BHLHA15: variants seen among roughly 807,000 people sequenced by gnomAD.
BHLHA15 encodes basic helix-loop-helix family member a15.
Under a neutral mutation model 10.4 loss-of-function variants are expected in BHLHA15, and 7 were observed. The observed-to-expected ratio is 0.67, with a 90% CI of 0.38 to 1.26. The LOEUF (loss-of-function observed/expected upper bound fraction) is 1.26, where lower values mean the gene tolerates loss of function less well. Ranked by LOEUF, BHLHA15 falls within the 50% of genes most tolerant of loss-of-function variation. The pLI is 0.02. For missense variants in BHLHA15, 289 were observed against 287.4 expected (o/e 1.01, Z -0.04); for synonymous variants, 140 against 131.5 (o/e 1.06, Z -0.44).
chr7:98,215,408 G>A lies in BHLHA15; in HGVS notation c.*2529G>A, dbSNP rs1447846954. ...TCAAAGTATTCATGAAATTGATGCT[G>A]TGTCATAAAACAAAAATAAAAGATT... On this transcript the variant is annotated 3_prime_UTR_variant, in exon 2 of 2. Transcript: ENST00000609256. 1.3e-5 allele frequency: 2 copies of A among 152,222 alleles called. No individual in the cohort carries two copies. Among genetic ancestry groups the A allele is most frequent in the Admixed American group, 6.5e-5 (1 of 15,284 alleles). The allele number at this position is 152,222 out of a possible 1,614,324, so 9.4% of individuals were successfully genotyped here.
At chr7:98,211,788 G>A (rs1447437758) in intron 1 of BHLHA15, among the ~76,000 whole-genome samples, 1 of 152,106 alleles carries the variant, frequency 6.6e-6, no homozygotes, top group Non-Finnish European at 1.5e-5. Flanking sequence ...GTCCCTGCAC[G>A]TGTCACGTCC....
At position 98,213,943 on chromosome 7, in the gene BHLHA15, T is replaced by C. The variant is rs1409002337; in HGVS notation, c.*1064T>C. ...CCCCCGCCCAGGTGCTTCATCCTCA[T>C]GGCCAGGCCTGGTGGCTTGGCACGT... On this transcript the variant is annotated 3_prime_UTR_variant, in exon 2 of 2. Coordinates refer to ENST00000609256, the MANE Select transcript of BHLHA15 (RefSeq NM_177455.4). 6.6e-6 allele frequency among the ~76,000 whole-genome samples: 1 copy of C among 152,136 alleles called. No individual in the cohort carries two copies. The highest frequency in any genetic ancestry group is 1.5e-5 in the Non-Finnish European group (1 of 68,018).
Position 98,212,974 on chromosome 7 carries a change from T to A in BHLHA15, c.*95T>A. 8.6e-7 allele frequency: 1 copy of A among 1,169,518 alleles called. No individual in the cohort carries two copies. Among genetic ancestry groups the A allele is most frequent in the Non-Finnish European group, 1.2e-6 (1 of 850,448 alleles). 72.4% of individuals were successfully genotyped at this position (1,169,518 alleles called of 1,614,324 possible). ...CAAGCCACGAGCCCCAGATGGGCGG[T>A]GACACCCCACAAGGACACGGCCTCA... On this transcript the variant is annotated 3_prime_UTR_variant, in exon 2 of 2. Coordinates refer to ENST00000609256, the MANE Select transcript of BHLHA15 (RefSeq NM_177455.4).
rs956997481 is a variant in BHLHA15, at chr7:98,212,383, C to T, written c.74C>T (p.Thr25Met). ...QDTEATPGEGTPDGSLPNPGP... is the reference protein window; with the variant it reads ...QDTEATPGEGMPDGSLPNPGP... Reference sequence around the variant, plus strand: ...ACAGAGGCCACCCCCGGGGAGGGGACGCCCGACGGGTCCCTGCCGAACCCG... The same window carrying T: ...ACAGAGGCCACCCCCGGGGAGGGGATGCCCGACGGGTCCCTGCCGAACCCG... Residue 25 changes from threonine (T) to methionine (M), a missense_variant, in exon 2 of 2, where the codon ACG becomes ATG. Transcript: ENST00000609256. 1.0e-5 allele frequency: 15 copies of T among 1,445,068 alleles called. No individual in the cohort carries two copies. The highest frequency in any genetic ancestry group is 8.6e-5 in the East Asian group (3 of 34,740). The allele number at this position is 1,445,068 out of a possible 1,614,324, so 89.5% of individuals were successfully genotyped here. A position where few individuals can be genotyped will look rare whatever the true frequency, so the allele number is the denominator to read the frequency against.
In BHLHA15 at chr7:98,212,605, G is replaced by A. The variant is rs1022594062; in HGVS notation, c.296G>A (p.Arg99His). The change falls in exon 2 of 2, where the codon CGT (arginine) becomes CAT (histidine). Residue 99 changes from arginine to histidine, a missense_variant. By Grantham distance (29) the Arg-to-His change is conservative (BLOSUM62 0). Coordinates refer to ENST00000609256, the MANE Select transcript of BHLHA15 (RefSeq NM_177455.4). ...HKLNNAFQAL[R>H]EVIPHVRADK... ...CTAAATAACGCCTTCCAGGCCCTGC[G>A]TGAAGTCATCCCCCACGTGCGCGCG... 14 of 1,607,542 alleles carry A rather than the reference G, an allele frequency of 8.7e-6. No individual in the cohort carries two copies. Among genetic ancestry groups the A allele is most frequent in the Non-Finnish European group, 1.2e-5 (14 of 1,178,090 alleles).
chr7:98,212,981 C>G lies in BHLHA15; in HGVS notation c.*102C>G, dbSNP rs967884679. 1.1e-5 allele frequency: 12 copies of G among 1,099,416 alleles called. No individual in the cohort carries two copies. Among genetic ancestry groups the G allele is most frequent in the African/African-American group, 6.4e-5 (4 of 62,232 alleles). The allele number at this position is 1,099,416 out of a possible 1,614,324, so 68.1% of individuals were successfully genotyped here. A position where few individuals can be genotyped will look rare whatever the true frequency, so the allele number is the denominator to read the frequency against. On this transcript the variant is annotated 3_prime_UTR_variant, in exon 2 of 2. Transcript: ENST00000609256. ...CGAGCCCCAGATGGGCGGTGACACC[C>G]CACAAGGACACGGCCTCAGCGGTTC... is the stretch of plus-strand genomic sequence containing the variant.
Position 98,214,687 on chromosome 7 carries a change from A to G in BHLHA15, c.*1808A>G, listed in dbSNP as rs1040968910. Reference sequence around the variant, plus strand: ...GAATGGACCGACGAGCTGAGCCTGAAAGCCCAGAAGAGCCTCGGTCCAGAA... The same window carrying G: ...GAATGGACCGACGAGCTGAGCCTGAGAGCCCAGAAGAGCCTCGGTCCAGAA... On this transcript the variant is annotated 3_prime_UTR_variant, in exon 2 of 2. Coordinates refer to ENST00000609256, the MANE Select transcript of BHLHA15 (RefSeq NM_177455.4). 5.3e-5 allele frequency: 8 copies of G among 152,324 alleles called. No individual in the cohort carries two copies. The highest frequency in any genetic ancestry group is 1.4e-4 in the African/African-American group (6 of 41,554). The allele number at this position is 152,324 out of a possible 1,614,324, so 9.4% of individuals were successfully genotyped here.
rs1283995058 is a variant in BHLHA15, at chr7:98,214,558, C to T, written c.*1679C>T. Reference sequence around the variant, plus strand: ...CCTGCCCAGCGGGGACATGAGATGACAGAGACCTCCCCGGCGGGGGTACTC... The same window carrying T: ...CCTGCCCAGCGGGGACATGAGATGATAGAGACCTCCCCGGCGGGGGTACTC... On this transcript the variant is annotated 3_prime_UTR_variant, in exon 2 of 2. Coordinates refer to ENST00000609256, the MANE Select transcript of BHLHA15 (RefSeq NM_177455.4). 6.6e-6 allele frequency: 1 copy of T among 151,160 alleles called. No individual in the cohort carries two copies. The highest frequency in any genetic ancestry group is 1.5e-5 in the Non-Finnish European group (1 of 68,042). The allele number at this position is 151,160 out of a possible 1,614,324, so 9.4% of individuals were successfully genotyped here. A position where few individuals can be genotyped will look rare whatever the true frequency, so the allele number is the denominator to read the frequency against.
In BHLHA15 at chr7:98,213,617, A is replaced by G. The variant is rs976219007; in HGVS notation, c.*738A>G. Among the ~76,000 whole-genome samples, 4 of 152,084 alleles carry G rather than the reference A, an allele frequency of 2.6e-5. No homozygotes were observed. The highest frequency in any genetic ancestry group is 5.9e-5 in the Non-Finnish European group (4 of 67,998). On this transcript the variant is annotated 3_prime_UTR_variant, in exon 2 of 2. Coordinates refer to ENST00000609256, the MANE Select transcript of BHLHA15 (RefSeq NM_177455.4). Reference sequence around the variant, plus strand: ...GGGTGCTGTGGAACTGGAGCAGGAGACAGGGCTGGGTGTTCCTGGTGCAGC... The same window carrying G: ...GGGTGCTGTGGAACTGGAGCAGGAGGCAGGGCTGGGTGTTCCTGGTGCAGC...
chr7:98,212,110 A>C, intron 1 of BHLHA15, 146 bp from the exon 2 acceptor site: 1 of 456,654 alleles, frequency 2.2e-6, no homozygotes, highest in Non-Finnish European at 3.8e-6. Flanking sequence ...TAAGCGTGTG[A>C]ACAGAAGGAC....
Position 98,212,616 on chromosome 7 carries a change from C to A in BHLHA15, c.307C>A (p.Pro103Thr). The change falls in exon 2 of 2, where the codon CCC becomes ACC. Residue 103 changes from proline to threonine, a missense_variant. Transcript: ENST00000609256. ...NAFQALREVI[P>T]HVRADKKLSK... ...CTTCCAGGCCCTGCGTGAAGTCATC[C>A]CCCACGTGCGCGCGGACAAGAAGCT... is the stretch of plus-strand genomic sequence containing the variant. 1 of 1,607,334 alleles carries A rather than the reference C, an allele frequency of 6.2e-7. No homozygotes were observed. The highest frequency in any genetic ancestry group is 1.3e-5 in the African/African-American group (1 of 75,024).
rs1342782142 is a variant in BHLHA15 at position 98,213,499 on chromosome 7, G to A, written c.*620G>A. On this transcript the variant is annotated 3_prime_UTR_variant, in exon 2 of 2. Coordinates refer to ENST00000609256, the MANE Select transcript of BHLHA15 (RefSeq NM_177455.4). ...AAAAGTTGAATGGTGGGGAGGGGCTGGAGTCTCTTCCTCCCTCCTCCCAAG... is the reference window on the plus strand; with the variant it reads ...AAAAGTTGAATGGTGGGGAGGGGCTAGAGTCTCTTCCTCCCTCCTCCCAAG... Among the ~76,000 whole-genome samples, 1 of 152,212 alleles carries A rather than the reference G, an allele frequency of 6.6e-6. No individual in the cohort carries two copies. Among genetic ancestry groups the A allele is most frequent in the African/African-American group, 2.4e-5 (1 of 41,452 alleles).
At position 98,213,112 on chromosome 7, in the gene BHLHA15, G is replaced by A; in HGVS notation, c.*233G>A. On this transcript the variant is annotated 3_prime_UTR_variant, in exon 2 of 2. Transcript: ENST00000609256. ...GCTGTGGCCCTGGACAGCGGCGTGAGGCCCAAACCTCTAGGTAGGGCCCAG... is the reference window on the plus strand; with the variant it reads ...GCTGTGGCCCTGGACAGCGGCGTGAAGCCCAAACCTCTAGGTAGGGCCCAG... 1.9e-6 allele frequency: 1 copy of A among 520,992 alleles called. No individual in the cohort carries two copies. Among genetic ancestry groups the A allele is most frequent in the Admixed American group, 4.0e-5 (1 of 25,168 alleles). The allele number at this position is 520,992 out of a possible 1,614,324, so 32.3% of individuals were successfully genotyped here. A position where few individuals can be genotyped will look rare whatever the true frequency, so the allele number is the denominator to read the frequency against.
In BHLHA15 at chr7:98,213,371, C is replaced by G. The variant is rs1017683926; in HGVS notation, c.*492C>G. On this transcript the variant is annotated 3_prime_UTR_variant, in exon 2 of 2. Transcript: ENST00000609256. ...TCCTCATTTGGGGTAAACTGAGGCC[C>G]GGGACAAGCCCGGCAGAGCCTAAGG... Among the ~76,000 whole-genome samples the G allele has an allele frequency of 6.6e-6, 1 of 152,184 alleles. No individual in the cohort carries two copies. Among genetic ancestry groups the G allele is most frequent in the Non-Finnish European group, 1.5e-5 (1 of 68,030 alleles).
Position 98,213,013 on chromosome 7 carries a change from C to T in BHLHA15, c.*134C>T. 5.8e-6 allele frequency: 5 copies of T among 855,346 alleles called. No homozygotes were observed. The highest frequency in any genetic ancestry group is 8.5e-6 in the Non-Finnish European group (5 of 586,938). 53.0% of individuals were successfully genotyped at this position (855,346 alleles called of 1,614,324 possible). A position where few individuals can be genotyped will look rare whatever the true frequency, so the allele number is the denominator to read the frequency against. ...GACACGGCCTCAGCGGTTCCATTTT[C>T]CCCCGAACATTCAGCCACTTCCCTG... On this transcript the variant is annotated 3_prime_UTR_variant, in exon 2 of 2. Coordinates refer to ENST00000609256, the MANE Select transcript of BHLHA15 (RefSeq NM_177455.4).
Position 98,212,276 on chromosome 7 carries a change from T to C in BHLHA15, c.-34T>C. The C allele has an allele frequency of 7.6e-7, 1 of 1,321,056 alleles. No individual in the cohort carries two copies. 81.8% of individuals were successfully genotyped at this position (1,321,056 alleles called of 1,614,324 possible). ...TTCAGCTCCAAGGGCCTCACCTTCC[T>C]GCCGCCACCTCCTAGGACAGCCAGT... On this transcript the variant is annotated 5_prime_UTR_variant, in exon 2 of 2. Transcript: ENST00000609256.
At position 98,212,278 on chromosome 7, in the gene BHLHA15, CCG is replaced by C; in HGVS notation, c.-30_-29del. 7.6e-7 allele frequency: 1 copy of C among 1,322,576 alleles called. No homozygotes were observed. Among genetic ancestry groups the C allele is most frequent in the Middle Eastern group, 2.0e-4 (1 of 5,128 alleles). 81.9% of individuals were successfully genotyped at this position (1,322,576 alleles called of 1,614,324 possible). On this transcript the variant is annotated 5_prime_UTR_variant, in exon 2 of 2. Coordinates refer to ENST00000609256, the MANE Select transcript of BHLHA15 (RefSeq NM_177455.4). ...CAGCTCCAAGGGCCTCACCTTCCTG[CCG>C]CCACCTCCTAGGACAGCCAGTCCAG...
At position 98,212,271 on chromosome 7, in the gene BHLHA15, C is replaced by A; in HGVS notation, c.-39C>A. 4 of 1,319,404 alleles carry A rather than the reference C, an allele frequency of 3.0e-6. No homozygotes were observed. The highest frequency in any genetic ancestry group is 3.9e-6 in the Non-Finnish European group (4 of 1,030,872). The allele number at this position is 1,319,404 out of a possible 1,614,324, so 81.7% of individuals were successfully genotyped here. Reference sequence around the variant, plus strand: ...TGGATTTCAGCTCCAAGGGCCTCACCTTCCTGCCGCCACCTCCTAGGACAG... The same window carrying A: ...TGGATTTCAGCTCCAAGGGCCTCACATTCCTGCCGCCACCTCCTAGGACAG... On this transcript the variant is annotated 5_prime_UTR_variant, in exon 2 of 2. Coordinates refer to ENST00000609256, the MANE Select transcript of BHLHA15 (RefSeq NM_177455.4).
In BHLHA15 at chr7:98,212,541, C is replaced by T. The variant is rs149424221; in HGVS notation, c.232C>T (p.Leu78=). ...TCGTGACAGCAGCATCCAGCGGCGGCTGGAGAGCAACGAGAGGGAGCGGCA... is the reference window on the plus strand; with the variant it reads ...TCGTGACAGCAGCATCCAGCGGCGGTTGGAGAGCAACGAGAGGGAGCGGCA... The part of the protein sequence containing the change: ...GRRDSSIQRR[L]ESNERERQRM... The change falls in exon 2 of 2, where the codon CTG becomes TTG. Residue 78 remains leucine, a synonymous_variant. Transcript: ENST00000609256. The T allele has an allele frequency of 1.5e-4, 237 of 1,595,564 alleles. 2 individuals carry two copies. The African/African-American group carries it at 2.7e-3, about 18-fold the overall frequency.
Sources: allele counts gnomAD v4.1 joint callset (sites outside exome capture counted in the v4.1 genomes callset), GRCh38; gene constraint gnomAD v4.1.1; transcripts MANE v1.5; gene names NCBI Gene and HGNC (gene_info 2026-07-23, HGNC 2026-07-21).